C19orf47: variants seen among roughly 807,000 people sequenced by gnomAD.
C19orf47 encodes the protein uncharacterized protein C19orf47.
In C19orf47, 18 loss-of-function variants were observed where a neutral mutation model predicts 32.3. The ratio of observed to expected loss-of-function variants is 0.56; its 90% CI spans 0.39 to 0.83. C19orf47 has a LOEUF of 0.83. Ranked by LOEUF, C19orf47 falls within the 40% of genes least tolerant of loss-of-function variation. The pLI is 0.00. For missense variants in C19orf47, 484 were observed against 531.6 expected, an observed-to-expected ratio of 0.91 and a Z score of 0.88; for synonymous variants, 202 against 211.1, an observed-to-expected ratio of 0.96 and a Z score of 0.37.
chr19:40,332,909 T>C (rs189736126), intron 5 of C19orf47, among the ~76,000 whole-genome samples: 11 of 152,332 alleles, frequency 7.2e-5, no homozygotes, highest in Non-Finnish European at 1.3e-4. Flanking sequence ...CCCAGTCTAC[T>C]TGATGTCATG....
Position 40,324,019 on chromosome 19 carries a change from G to A in C19orf47, c.650C>T (p.Thr217Met), listed in dbSNP as rs199793069. Residue 217 changes from threonine (T) to methionine (M), a missense_variant, in exon 8 of 9, where the codon ACG becomes ATG. Thr to Met is a moderately conservative substitution (Grantham distance 81). Transcript: ENST00000683109. ...RLGAETKADT[T>M]TGSKPTGVFS... ...ATCCCCACTCACTTTACTCCCTGTC[G>A]TGGTGTCTGCCTTGGTCTCGGCGCC... 5.1e-5 allele frequency: 82 copies of A among 1,614,252 alleles called. No individual in the cohort carries two copies. Among genetic ancestry groups the A allele is most frequent in the Admixed American group, 3.0e-4 (18 of 60,026 alleles).
chr19:40,326,378 G>A lies in C19orf47; in HGVS notation c.548C>T (p.Thr183Ile). The A allele has an allele frequency of 6.2e-7, 1 of 1,614,214 alleles. No homozygotes were observed. Among genetic ancestry groups the A allele is most frequent in the Non-Finnish European group, 8.5e-7 (1 of 1,180,038 alleles). ...CTCCAGGATCTTGCGGGTGCGGGGT[G>A]TGGTGCCTTTGGGCATGTTGATGAC... ...KYVINMPKGT[T>I]PRTRKILEQQ... is the part of the protein sequence containing the mutation. Residue 183 changes from threonine (T) to isoleucine (I), a missense_variant, in exon 7 of 9, where the codon ACA becomes ATA. Coordinates refer to ENST00000683109, the MANE Select transcript of C19orf47 (RefSeq NM_001256441.2).
At chr19:40,314,588 A>G (rs1035337002), downstream of C19orf47, among the ~76,000 whole-genome samples, 18 of 152,358 alleles carry the variant, frequency 1.2e-4, no homozygotes, top group African/African-American at 4.1e-4. Context: ...GTCCAAACTC[A>G]TAAAAATAAA....
the C19orf47 span, among the ~76,000 whole-genome samples, chr19:40,308,906 C>T: frequency 8.5e-5 from 13 of 152,116 alleles, no homozygotes; most frequent in East Asian, 1.8e-3. Context: ...CCTGTCTCTA[C>T]AAAAAATTAA....
intron 2 of C19orf47, 116 bp from the exon 3 acceptor site, chr19:40,336,523 C>A: frequency 2.3e-6 from 2 of 873,088 alleles, no homozygotes; most frequent in South Asian, 3.1e-5. Flanking sequence ...CCAGGCCCTG[C>A]ATGGAGTGCT....
chr19:40,302,207 G>A, the C19orf47 span, among the ~76,000 whole-genome samples: 1 of 152,134 alleles, frequency 6.6e-6, no homozygotes, highest in African/African-American at 2.4e-5. Context: ...TATTCTTACT[G>A]CTCTTACATA....
the C19orf47 span, among the ~76,000 whole-genome samples, chr19:40,302,857 C>T: frequency 1.3e-5 from 2 of 152,158 alleles, no homozygotes; most frequent in Admixed American, 6.6e-5. Context: ...TTTCCTGAAG[C>T]CCTGCAAGCT....
In C19orf47 at chr19:40,326,445, C is replaced by A; in HGVS notation, c.481G>T (p.Ala161Ser). The change falls in exon 7 of 9, where the codon GCC (alanine) becomes TCC (serine). Residue 161 changes from alanine (A) to serine (S), a missense_variant. Physicochemically the swap from Ala to Ser is moderately conservative, Grantham distance 99. Coordinates refer to ENST00000683109, the MANE Select transcript of C19orf47 (RefSeq NM_001256441.2). ...TCAGCAGTGACCCGGCGCCGCTTGG[C>A]AGGAACAGCCAGGCTCTCCTCCTCC... ...RREEESLAVP[A>S]KRRRVTAEME... 6.2e-7 allele frequency: 1 copy of A among 1,614,084 alleles called. No individual in the cohort carries two copies. The highest frequency in any genetic ancestry group is 8.5e-7 in the Non-Finnish European group (1 of 1,180,048).
downstream of C19orf47, among the ~76,000 whole-genome samples, chr19:40,317,336 G>A (rs2077668761): frequency 1.3e-5 from 2 of 152,144 alleles, no homozygotes; most frequent in African/African-American, 4.8e-5. Context: ...GCTCATGCCT[G>A]TAATCCCAAC....
intron 5 of C19orf47, among the ~76,000 whole-genome samples, chr19:40,333,311 T>C (rs1319174327): frequency 2.2e-5 from 2 of 90,540 alleles, no homozygotes; most frequent in Non-Finnish European, 4.8e-5. Flanking sequence ...ATAAATAAAA[T>C]GGCCCTCAAA....
In C19orf47 at chr19:40,321,491, C is replaced by T; in HGVS notation, c.*391G>A. On this transcript the variant is annotated 3_prime_UTR_variant, in exon 9 of 9. Coordinates refer to ENST00000683109, the MANE Select transcript of C19orf47 (RefSeq NM_001256441.2). Reference sequence around the variant, plus strand: ...GGAAGGGAGGCCCACCAGGTGACACCCACTTAGTTGAGGGGGACAGGGAGG... The same window carrying T: ...GGAAGGGAGGCCCACCAGGTGACACTCACTTAGTTGAGGGGGACAGGGAGG... 9.8e-7 allele frequency: 1 copy of T among 1,017,316 alleles called. No homozygotes were observed. 63.0% of individuals were successfully genotyped at this position (1,017,316 alleles called of 1,614,324 possible).
intron 1 of C19orf47, among the ~76,000 whole-genome samples, chr19:40,347,990 C>T (rs768794689): frequency 6.6e-6 from 1 of 152,072 alleles, no homozygotes; most frequent in Non-Finnish European, 1.5e-5. Context: ...GGGACTTGAA[C>T]CAAAATTCGA....
At chr19:40,314,742 A>C (rs561021350), downstream of C19orf47, among the ~76,000 whole-genome samples, 1 of 152,332 alleles carries the variant, frequency 6.6e-6, no homozygotes, top group South Asian at 2.1e-4. Flanking sequence ...AATTCCTTCC[A>C]AAGAGGACAA....
At chr19:40,345,777 G>T (rs1194094316) in intron 1 of C19orf47, among the ~76,000 whole-genome samples, 3 of 150,762 alleles carry the variant, frequency 2.0e-5, no homozygotes, top group African/African-American at 2.4e-5. Flanking sequence ...GGGGCGGGGG[G>T]GGGAGAGGTT....
chr19:40,329,840 C>T (rs1476939572), intron 5 of C19orf47, among the ~76,000 whole-genome samples: 1 of 152,210 alleles, frequency 6.6e-6, no homozygotes, highest in African/African-American at 2.4e-5. Flanking sequence ...CTTTACCTAG[C>T]TGAGTGCAAT....
chr19:40,293,658 G>C, the C19orf47 span, among the ~76,000 whole-genome samples: 2 of 150,696 alleles, frequency 1.3e-5, no homozygotes, highest in African/African-American at 4.9e-5. Flanking sequence ...TAGAGACGGG[G>C]TTTCACCATG....
chr19:40,308,619 A>C, the C19orf47 span, among the ~76,000 whole-genome samples: 1 of 151,566 alleles, frequency 6.6e-6, no homozygotes, highest in East Asian at 2.0e-4. Flanking sequence ...GTATGCCACT[A>C]CACCTGACAA....
At chr19:40,326,600 C>T (rs1178466667) in intron 6 of C19orf47, 114 bp from the exon 7 acceptor site, 34 of 1,285,124 alleles carry the variant, frequency 2.6e-5, no homozygotes, top group Non-Finnish European at 3.1e-5. Flanking sequence ...GAATCCCTTA[C>T]CTTCCCAACC....
chr19:40,336,405 T>C lies in C19orf47; in HGVS notation c.22A>G (p.Thr8Ala). The change falls in exon 3 of 9, where the codon ACT (threonine) becomes GCT (alanine). Residue 8 changes from threonine (T) to alanine (A), a missense_variant and splice_region_variant. Thr to Ala is a moderately conservative substitution (Grantham distance 58, BLOSUM62 0). Transcript: ENST00000683109. MVSVTMA[T>A]SEWIQFFKEA... ...TTAAAGAACTGGATCCACTCGGAAG[T>C]GGCTGTGGGGTTGGACAGGGCTCAT... 1 of 1,612,928 alleles carries C rather than the reference T, an allele frequency of 6.2e-7. No homozygotes were observed. The highest frequency in any genetic ancestry group is 8.5e-7 in the Non-Finnish European group (1 of 1,179,474).
Sources: gnomAD v4.1 joint callset for allele counts (sites outside exome capture counted in the v4.1 genomes callset) on GRCh38, gnomAD v4.1.1 for gene constraint, MANE v1.5 for transcripts, NCBI Gene and HGNC (gene_info 2026-07-23, HGNC 2026-07-21) for gene names.